The following KCNAB1 variants were observed in gnomAD, a reference collection of about 807,000 sequenced individuals.
The protein encoded by KCNAB1 is potassium voltage-gated channel subfamily A regulatory beta subunit 1.
In KCNAB1, 35 loss-of-function variants were observed where a neutral mutation model predicts 64.6. That is an observed-to-expected ratio of 0.54 (90% confidence interval 0.41 to 0.72). The LOEUF is 0.72. Ranked by LOEUF, KCNAB1 falls within the 30% of genes least tolerant of loss-of-function variation. KCNAB1 has a pLI of 0.00. For synonymous variants in KCNAB1, 177 were observed against 183.8 expected, an observed-to-expected ratio of 0.96 and a Z score of 0.30; for missense variants, 401 against 512.9, an observed-to-expected ratio of 0.78 and a Z score of 2.11.
intron 1 of KCNAB1, among the ~76,000 whole-genome samples, chr3:156,315,372 A>G (rs1480698013): frequency 3.3e-5 from 5 of 152,218 alleles, no homozygotes; most frequent in African/African-American, 9.6e-5. Context: ...ATGATGTGGC[A>G]TTAGCCAAAC....
chr3:156,152,800 C>T (rs1715491778), intron 1 of KCNAB1, among the ~76,000 whole-genome samples: 3 of 152,178 alleles, frequency 2.0e-5, no homozygotes, highest in Non-Finnish European at 4.4e-5. Flanking sequence ...AAGCTAGTTA[C>T]GGTTTCAAAA....
intron 1 of KCNAB1, chr3:156,143,306 GCAAACC>G: frequency 6.2e-7 from 1 of 1,613,586 alleles, no homozygotes; most frequent in South Asian, 1.1e-5. Context: ...CAGGCGGCCT[GCAAACC>G]TGTGAGGCCC....
intron 11 of KCNAB1, among the ~76,000 whole-genome samples, chr3:156,522,930 C>G (rs1352951765): frequency 5.9e-5 from 9 of 152,326 alleles, no homozygotes; most frequent in Middle Eastern, 3.4e-3. Context: ...AACACTCTTA[C>G]AAATACTCTT....
intron 1 of KCNAB1, among the ~76,000 whole-genome samples, chr3:156,290,147 T>G (rs1720316943): frequency 6.6e-6 from 1 of 152,226 alleles, no homozygotes; most frequent in South Asian, 2.1e-4. Context: ...CTAGTGTACT[T>G]AGTGTCTGTG....
intron 8 of KCNAB1, among the ~76,000 whole-genome samples, chr3:156,507,885 T>C (rs1716930294): frequency 6.6e-6 from 1 of 152,188 alleles, no homozygotes; most frequent in Non-Finnish European, 1.5e-5. Flanking sequence ...TATTAAACTA[T>C]TATGGGGCTC....
intron 1 of KCNAB1, among the ~76,000 whole-genome samples, chr3:156,319,969 C>T (rs1722544036): frequency 6.6e-6 from 1 of 152,300 alleles, no homozygotes; most frequent in Admixed American, 6.5e-5. Flanking sequence ...TACAGGCCCT[C>T]TCCAACTTCG....
chr3:156,500,915 T>C (rs1347835463), intron 8 of KCNAB1, among the ~76,000 whole-genome samples: 1 of 152,188 alleles, frequency 6.6e-6, no homozygotes, highest in Non-Finnish European at 1.5e-5. Flanking sequence ...ATGATAGAAT[T>C]TGAGGGGCTT....
chr3:156,323,134 A>G (rs1209542952), intron 1 of KCNAB1, among the ~76,000 whole-genome samples: 1 of 152,088 alleles, frequency 6.6e-6, no homozygotes, highest in Non-Finnish European at 1.5e-5. Flanking sequence ...TGACTCCTAA[A>G]TTCTTCTTAA....
intron 1 of KCNAB1, among the ~76,000 whole-genome samples, chr3:156,279,745 T>G (rs1296034820): frequency 1.3e-5 from 2 of 152,326 alleles, no homozygotes; most frequent in African/African-American, 2.4e-5. Context: ...TCATTTGTTT[T>G]TTGGCTGCAT....
intron 1 of KCNAB1, among the ~76,000 whole-genome samples, chr3:156,173,832 T>A (rs1356664793): frequency 6.6e-6 from 1 of 152,200 alleles, no homozygotes; most frequent in East Asian, 1.9e-4. Flanking sequence ...AGATTGCCCT[T>A]CCTGATGTGA....
At chr3:156,138,743 CTT>C (rs917899118) in intron 1 of KCNAB1, among the ~76,000 whole-genome samples, 1 of 152,180 alleles carries the variant, frequency 6.6e-6, no homozygotes. Context: ...CTAGAAGAAT[CTT>C]AGAGATTACC....
intron 1 of KCNAB1, among the ~76,000 whole-genome samples, chr3:156,419,088 G>A (rs1715288565): frequency 6.6e-6 from 1 of 152,208 alleles, no homozygotes; most frequent in South Asian, 2.1e-4. Flanking sequence ...ACCCATAACA[G>A]AGTGATCATT....
intron 1 of KCNAB1, among the ~76,000 whole-genome samples, chr3:156,295,592 AT>A (rs1223861071): frequency 6.6e-6 from 1 of 152,222 alleles, no homozygotes; most frequent in Non-Finnish European, 1.5e-5. Flanking sequence ...GATAAAAAAA[AT>A]CTACTAGAAC....
chr3:156,319,703 A>G (rs1030699746), intron 1 of KCNAB1, among the ~76,000 whole-genome samples: 6 of 152,190 alleles, frequency 3.9e-5, no homozygotes, highest in Admixed American at 3.9e-4. Flanking sequence ...TGCACTGACT[A>G]TATCTACATT....
At chr3:156,181,151 TA>T (rs948010178) in intron 1 of KCNAB1, among the ~76,000 whole-genome samples, 2 of 152,196 alleles carry the variant, frequency 1.3e-5, no homozygotes, top group African/African-American at 4.8e-5. Context: ...ATTACCTCTT[TA>T]AAGGTCCTAT....
At chr3:156,514,222 T>C in intron 8 of KCNAB1, 142 bp from the exon 9 acceptor site, 1 of 618,600 alleles carries the variant, frequency 1.6e-6, no homozygotes, top group East Asian at 2.8e-5. Flanking sequence ...CAGACTATAA[T>C]GTTGTCACCA....
At chr3:156,497,790 A>G (rs564202369) in intron 8 of KCNAB1, among the ~76,000 whole-genome samples, 2 of 152,350 alleles carry the variant, frequency 1.3e-5, no homozygotes, top group South Asian at 4.1e-4. Context: ...TAGGAAAACT[A>G]TTCTTAGTGA....
At chr3:156,464,734 T>G (rs900761955) in intron 6 of KCNAB1, among the ~76,000 whole-genome samples, 2 of 152,150 alleles carry the variant, frequency 1.3e-5, no homozygotes, top group Non-Finnish European at 2.9e-5. Context: ...TTTAAATTTT[T>G]TATTCCTGTA....
In KCNAB1 at chr3:156,243,294, G is replaced by A. The variant is rs560600256; in HGVS notation, c.275+122408G>A. 2.8e-3 allele frequency among the ~76,000 whole-genome samples: 409 copies of A among 148,638 alleles called. 1 individual carries two copies. Among genetic ancestry groups the A allele is most frequent in the African/African-American group, 9.8e-3 (394 of 40,314 alleles). ...GGCTGGAGTGCAGTGGCACAATCTCGGCTCACTGCAACCCCCACCTCCTGG... is the reference window on the plus strand; with the variant it reads ...GGCTGGAGTGCAGTGGCACAATCTCAGCTCACTGCAACCCCCACCTCCTGG... On this transcript the variant is annotated intron_variant, in intron 1 of 13. Transcript: ENST00000490337.
Sources: gnomAD v4.1 joint callset for allele counts (sites outside exome capture counted in the v4.1 genomes callset) on GRCh38, gnomAD v4.1.1 for gene constraint, MANE v1.5 for transcripts, NCBI Gene and HGNC (gene_info 2026-07-23, HGNC 2026-07-21) for gene names.